The following GLDC variants were observed in gnomAD, a reference collection of about 807,000 sequenced individuals.
GLDC encodes glycine dehydrogenase (decarboxylating), mitochondrial.
In GLDC, 104 loss-of-function variants were observed where a neutral mutation model predicts 121.3. The ratio of observed to expected loss-of-function variants is 0.86; its 90% CI spans 0.73 to 1.01. The LOEUF is 1.01. GLDC is among the 50% of genes least tolerant of loss of function. The pLI, the probability that GLDC is intolerant of heterozygous loss-of-function variation, is 0.00. For missense variants in GLDC, 1,429 were observed against 1,306.6 expected (o/e 1.09, Z -1.44); for synonymous variants, 546 against 480.6 (o/e 1.14, Z -1.78).
intron 15 of GLDC, 103 bp downstream of exon 15, chr9:6,587,038 C>G: frequency 1.1e-6 from 1 of 948,534 alleles, no homozygotes; most frequent in Non-Finnish European, 1.7e-6. Flanking sequence ...TCTAGCAAGT[C>G]ACAGAATAAC....
intron 3 of GLDC, among the ~76,000 whole-genome samples, chr9:6,611,147 T>C (rs905429231): frequency 6.6e-6 from 1 of 152,252 alleles, no homozygotes; most frequent in Non-Finnish European, 1.5e-5. Context: ...GTTAACTCTA[T>C]GGCTATTGAA....
At chr9:6,559,232 C>T (rs1177795628) in intron 16 of GLDC, among the ~76,000 whole-genome samples, 2 of 152,070 alleles carry the variant, frequency 1.3e-5, no homozygotes, top group South Asian at 2.1e-4. Flanking sequence ...ATGATCAACC[C>T]GGCCAGGTGC....
chr9:6,613,885 T>A (rs1478392046), intron 3 of GLDC, among the ~76,000 whole-genome samples: 1 of 152,122 alleles, frequency 6.6e-6, no homozygotes, highest in Admixed American at 6.6e-5. Context: ...CAAGCCATTC[T>A]CCTGCCTCAG....
intron 3 of GLDC, 96 bp downstream of exon 3, chr9:6,620,088 A>G (rs915924259): frequency 1.5e-5 from 18 of 1,181,270 alleles, no homozygotes; most frequent in Non-Finnish European, 1.9e-5. Context: ...GGTGGGTGTC[A>G]GTGTGGAGGC....
At chr9:6,579,619 A>T (rs13296487) in intron 15 of GLDC, among the ~76,000 whole-genome samples, 31,424 of 152,044 alleles carry the variant, frequency 0.21, 3,716 homozygotes, top group Admixed American at 0.28. Context: ...TCAGCCTCCC[A>T]AAGTGCTGGG....
At chr9:6,591,208 C>G (rs1318501974) in intron 11 of GLDC, among the ~76,000 whole-genome samples, 2 of 152,198 alleles carry the variant, frequency 1.3e-5, no homozygotes, top group East Asian at 3.8e-4. Flanking sequence ...TACTCCCTCT[C>G]CCAGCCTTTG....
chr9:6,629,850 C>G (rs1819324594), intron 2 of GLDC, among the ~76,000 whole-genome samples: 2 of 147,910 alleles, frequency 1.4e-5, no homozygotes, highest in South Asian at 2.1e-4. Flanking sequence ...TATATATTAG[C>G]AGAACATCTT....
At chr9:6,634,806 T>G (rs2129996318) in intron 2 of GLDC, among the ~76,000 whole-genome samples, 1 of 152,278 alleles carries the variant, frequency 6.6e-6, no homozygotes, top group East Asian at 1.9e-4. Context: ...TGCATTAGTT[T>G]GGAGGCTCCC....
At chr9:6,619,131 A>C (rs887592794) in intron 3 of GLDC, among the ~76,000 whole-genome samples, 1 of 130,534 alleles carries the variant, frequency 7.7e-6, no homozygotes, top group Non-Finnish European at 1.6e-5. Flanking sequence ...CAACAGAGTG[A>C]GACTCTGTCT....
chr9:6,631,990 C>G (rs1374525442), intron 2 of GLDC, among the ~76,000 whole-genome samples: 1 of 152,090 alleles, frequency 6.6e-6, no homozygotes, highest in East Asian at 1.9e-4. Flanking sequence ...ATCTGTTTGG[C>G]CCAGGAGGTT....
chr9:6,581,978 G>T (rs1349975079), intron 15 of GLDC, among the ~76,000 whole-genome samples: 1 of 152,128 alleles, frequency 6.6e-6, no homozygotes, highest in African/African-American at 2.4e-5. Context: ...ACCTTGGGAG[G>T]CTGAGGCAGG....
intron 4 of GLDC, among the ~76,000 whole-genome samples, chr9:6,607,177 A>G (rs1305116770): frequency 6.6e-6 from 1 of 152,236 alleles, no homozygotes; most frequent in Non-Finnish European, 1.5e-5. Context: ...AGTCAGTCTT[A>G]AGATGGTTCA....
At chr9:6,540,186 C>T in intron 21 of GLDC, 40 bp from the exon 22 acceptor site, 2 of 1,231,606 alleles carry the variant, frequency 1.6e-6, no homozygotes, top group Non-Finnish European at 2.4e-6. Flanking sequence ...TTAGCATCAG[C>T]TTATTGTTTT....
chr9:6,570,652 G>A (rs1587934871), intron 15 of GLDC, among the ~76,000 whole-genome samples: 1 of 152,018 alleles, frequency 6.6e-6, no homozygotes, highest in Non-Finnish European at 1.5e-5. Context: ...TCAGGAGTTC[G>A]AGACCAACCT....
chr9:6,543,899 G>GC (rs1304499866), intron 21 of GLDC, among the ~76,000 whole-genome samples: 1 of 151,466 alleles, frequency 6.6e-6, no homozygotes, highest in Non-Finnish European at 1.5e-5. Context: ...AGGAGGGGGG[G>GC]GGATGAAGGA....
intron 15 of GLDC, among the ~76,000 whole-genome samples, chr9:6,579,050 G>T (rs72695517): frequency 0.047 from 7,142 of 152,060 alleles, 263 homozygotes; most frequent in Non-Finnish European, 0.079. Context: ...TTTTAAATTT[G>T]TTGACACAGG....
intron 3 of GLDC, among the ~76,000 whole-genome samples, chr9:6,612,948 C>A (rs78747164): frequency 9.2e-5 from 14 of 151,868 alleles, no homozygotes; most frequent in African/African-American, 3.4e-4. Context: ...GCCTGGGTGA[C>A]GGGAGTGAGA....
At chr9:6,620,943 G>A (rs1022523929) in intron 2 of GLDC, among the ~76,000 whole-genome samples, 8 of 152,140 alleles carry the variant, frequency 5.3e-5, no homozygotes, top group African/African-American at 1.4e-4. Context: ...TGAGGTGGGC[G>A]GATCACCTGA....
intron 2 of GLDC, among the ~76,000 whole-genome samples, chr9:6,624,767 A>G (rs532218064): frequency 5.1e-4 from 78 of 152,166 alleles, no homozygotes; most frequent in Admixed American, 4.6e-4. Context: ...CAGGAGGATC[A>G]CTTGAGGTCA....
Sources: gnomAD v4.1 joint callset for allele counts (sites outside exome capture counted in the v4.1 genomes callset) on GRCh38, gnomAD v4.1.1 for gene constraint, MANE v1.5 for transcripts, NCBI Gene and HGNC (gene_info 2026-07-23, HGNC 2026-07-21) for gene names.